Variants in RGL1 observed in about 807,000 individuals in gnomAD.
The protein encoded by RGL1 is ral guanine nucleotide dissociation stimulator-like 1.
A neutral mutation model predicts 95.2 loss-of-function variants in RGL1; 24 were observed. The observed-to-expected ratio is 0.25, with a 90% CI of 0.18 to 0.35. The LOEUF is 0.35. RGL1 is among the 10% of genes least tolerant of loss of function. The pLI is 1.00. For missense variants in RGL1, 715 were observed against 936.3 expected (o/e 0.76, Z 3.08); for synonymous variants, 329 against 344.9 (o/e 0.95, Z 0.51).
chr1:183,646,786 G>A (rs1650323135), intron 1 of RGL1: 1 of 152,236 alleles, frequency 6.6e-6, no homozygotes, highest in African/African-American at 2.4e-5. Context: ...AAGGGATGCT[G>A]AGTTACAATC....
At chr1:183,844,055 A>G (rs1021243191) in intron 2 of RGL1, among the ~76,000 whole-genome samples, 6 of 152,078 alleles carry the variant, frequency 3.9e-5, no homozygotes, top group Non-Finnish European at 7.4e-5. Context: ...TGAACTCCTG[A>G]CCTCAGGTGA....
chr1:183,665,447 A>G (rs1466648636), intron 1 of RGL1, among the ~76,000 whole-genome samples: 2 of 152,174 alleles, frequency 1.3e-5, no homozygotes. Context: ...TCTGAAAGAC[A>G]TTATAGATAA....
intron 3 of RGL1, among the ~76,000 whole-genome samples, chr1:183,849,483 G>GTTTTTTTTTTT (rs1418103960): frequency 1.1e-4 from 13 of 120,854 alleles, no homozygotes; most frequent in Non-Finnish European, 1.3e-4. Flanking sequence ...CCAGTTTTTA[G>GTTTTTTTTTTT]TTTTTTTTTT....
chr1:183,642,091 C>A (rs1297076742), intron 1 of RGL1, among the ~76,000 whole-genome samples: 1 of 151,376 alleles, frequency 6.6e-6, no homozygotes, highest in African/African-American at 2.4e-5. Context: ...CATATCTTAA[C>A]TTCTTAAAGA....
intron 2 of RGL1, among the ~76,000 whole-genome samples, chr1:183,835,870 G>A (rs569131108): frequency 6.6e-6 from 1 of 152,262 alleles, no homozygotes; most frequent in East Asian, 1.9e-4. Context: ...TAGATTCTGG[G>A]CAATTGAGTT....
intron 3 of RGL1, among the ~76,000 whole-genome samples, chr1:183,849,857 G>A (rs1053601475): frequency 6.6e-6 from 1 of 152,062 alleles, no homozygotes; most frequent in African/African-American, 2.4e-5. Flanking sequence ...CGGAATAGTT[G>A]GTTGAGAATT....
chr1:183,768,461 C>CTTTTTTTTTT (rs71130639), intron 2 of RGL1, among the ~76,000 whole-genome samples: 4 of 83,844 alleles, frequency 4.8e-5, no homozygotes, highest in Non-Finnish European at 6.6e-5. Context: ...CTTTAGATAA[C>CTTTTTTTTTT]TTTTTTTTTT....
chr1:183,695,849 A>G (rs1654220765), intron 1 of RGL1, among the ~76,000 whole-genome samples: 1 of 152,162 alleles, frequency 6.6e-6, no homozygotes, highest in Non-Finnish European at 1.5e-5. Flanking sequence ...AATATCTAAT[A>G]TATTTTAAAG....
In RGL1 at chr1:183,847,562, A is replaced by G. The variant is rs200695284; in HGVS notation, c.139-4A>G. ...CTTATGGTAATTGTTAATTTATTATACAGGTTGAAGGGGACCAGCTGCCTC... is the reference window on the plus strand; with the variant it reads ...CTTATGGTAATTGTTAATTTATTATGCAGGTTGAAGGGGACCAGCTGCCTC... On this transcript the variant is annotated splice_polypyrimidine_tract_variant and splice_region_variant and intron_variant, in intron 2 of 17. Transcript: ENST00000360851. The G allele has an allele frequency of 1.9e-5, 31 of 1,609,804 alleles. 1 individual carries two copies. The highest frequency in any genetic ancestry group is 5.5e-5 in the South Asian group (5 of 90,168).
chr1:183,850,344 AT>A (rs1664758868), intron 3 of RGL1, among the ~76,000 whole-genome samples: 1 of 152,146 alleles, frequency 6.6e-6, no homozygotes, highest in East Asian at 1.9e-4. Context: ...ATTTATTAAA[AT>A]TTTTTATAAC....
intron 1 of RGL1, among the ~76,000 whole-genome samples, chr1:183,665,297 C>T (rs1275633853): frequency 6.6e-6 from 1 of 152,096 alleles, no homozygotes; most frequent in Admixed American, 6.5e-5. Flanking sequence ...TTTGCTAATA[C>T]TTTCGTTGAG....
intron 1 of RGL1, chr1:183,647,604 G>T: frequency 6.7e-7 from 1 of 1,500,684 alleles, no homozygotes; most frequent in Non-Finnish European, 8.8e-7. Context: ...CCCTGAGAGA[G>T]AAAGTTTCCA....
At chr1:183,862,284 C>A (rs972325414) in intron 3 of RGL1, among the ~76,000 whole-genome samples, 13 of 152,132 alleles carry the variant, frequency 8.5e-5, no homozygotes, top group Admixed American at 5.2e-4. Context: ...CTTGCTCAAA[C>A]CTAGAAGGAC....
intron 1 of RGL1, among the ~76,000 whole-genome samples, chr1:183,738,605 A>G (rs956460399): frequency 3.9e-5 from 6 of 151,996 alleles, no homozygotes; most frequent in Non-Finnish European, 8.8e-5. Context: ...TGAATTGTTT[A>G]AAGAAAGTAT....
intron 1 of RGL1, chr1:183,648,314 C>G (rs1650463950): frequency 1.9e-6 from 3 of 1,614,136 alleles, no homozygotes; most frequent in Non-Finnish European, 2.5e-6. Context: ...TATGATAGAG[C>G]TGAGAAAAAT....
intron 16 of RGL1, among the ~76,000 whole-genome samples, chr1:183,917,515 G>A (rs1669050025): frequency 6.6e-6 from 1 of 152,202 alleles, no homozygotes; most frequent in Admixed American, 6.5e-5. Context: ...TCGCCTCTTT[G>A]AAGGCACACT....
chr1:183,646,357 C>T (rs1371379714), intron 1 of RGL1: 3 of 152,000 alleles, frequency 2.0e-5, no homozygotes, highest in Non-Finnish European at 2.9e-5. Context: ...TTCTCCTCCT[C>T]CCTTATGGAG....
At chr1:183,777,377 G>C (rs1474955501) in intron 2 of RGL1, among the ~76,000 whole-genome samples, 1 of 152,132 alleles carries the variant, frequency 6.6e-6, no homozygotes, top group Non-Finnish European at 1.5e-5. Flanking sequence ...AAAACCAATG[G>C]CATGTGTCCA....
chr1:183,738,840 G>T (rs1474187539), intron 1 of RGL1, among the ~76,000 whole-genome samples: 2 of 152,178 alleles, frequency 1.3e-5, no homozygotes, highest in African/African-American at 4.8e-5. Context: ...GGCAGAGGTT[G>T]CAGTGAGCCA....
Sources: allele counts gnomAD v4.1 joint callset (sites outside exome capture counted in the v4.1 genomes callset), GRCh38; gene constraint gnomAD v4.1.1; transcripts MANE v1.5; gene names NCBI Gene and HGNC (gene_info 2026-07-23, HGNC 2026-07-21).